TPO: variants seen among roughly 807,000 people sequenced by gnomAD.
TPO encodes the protein thyroid microsomal antigen.
TPO carries 78 observed loss-of-function variants against 96.9 expected under a neutral mutation model. The observed-to-expected ratio is 0.81, with a 90% confidence interval of 0.67 to 0.97. The LOEUF (loss-of-function observed/expected upper bound fraction) is 0.97. Ranked by LOEUF, TPO falls within the 50% of genes least tolerant of loss-of-function variation. The probability of loss-of-function intolerance (pLI) is 0.00; values close to 1 mark genes in which losing one functional copy is unlikely to be tolerated. For synonymous variants in TPO, 547 were observed against 538.0 expected, an observed-to-expected ratio of 1.02 and a Z score of -0.23; for missense variants, 1,252 against 1,274.8, an observed-to-expected ratio of 0.98 and a Z score of 0.27.
intron 14 of TPO, 77 bp from the exon 15 acceptor site, chr2:1,516,806 C>T: frequency 1.5e-6 from 2 of 1,369,444 alleles, no homozygotes; most frequent in Non-Finnish European, 1.0e-6. Context: ...CAGGGTATGG[C>T]CCAGACTCAG....
At chr2:1,378,185 C>T (rs1661752044) in intron 1 of TPO, among the ~76,000 whole-genome samples, 1 of 151,946 alleles carries the variant, frequency 6.6e-6, no homozygotes, top group African/African-American at 2.4e-5. Context: ...TTAAATTACC[C>T]AGTCTCAGGT....
rs1402642383 is a variant in TPO at position 1,496,007 on chromosome 2, C to T, written c.2025C>T (p.Ser675=). 2 of 1,612,778 alleles carry T rather than the reference C, an allele frequency of 1.2e-6. No homozygotes were observed. The highest frequency in any genetic ancestry group is 1.7e-6 in the Non-Finnish European group (2 of 1,179,998). ...RDGDWFWWEN[S]HVFTDAQRRE... ...TCTGGAGGTTTTGGTGGGAGAACAG[C>T]CACGTCTTCACGGATGCACAGAGGC... The change falls in exon 12 of 17, where the codon AGC becomes AGT. Residue 675 remains serine (S), a synonymous_variant. Transcript: ENST00000329066.
chr2:1,398,418 G>A (rs1186763744), intron 1 of TPO, among the ~76,000 whole-genome samples: 2 of 152,124 alleles, frequency 1.3e-5, no homozygotes, highest in Admixed American at 6.5e-5. Flanking sequence ...CACACCCCAC[G>A]CCTGCCTGGC....
intron 5 of TPO, among the ~76,000 whole-genome samples, chr2:1,448,503 G>A (rs949537487): frequency 5.9e-5 from 9 of 152,172 alleles, no homozygotes; most frequent in African/African-American, 2.2e-4. Flanking sequence ...GGTTGTTTCT[G>A]GTTGAAAGGC....
rs1050832429 is a variant in TPO at position 1,490,507 on chromosome 2, G to C, written c.1768+2516G>C. Among the ~76,000 whole-genome samples, 2 of 145,326 alleles carry C rather than the reference G, an allele frequency of 1.4e-5. 1 individual carries two copies. The highest frequency in any genetic ancestry group is 3.1e-5 in the Non-Finnish European group (2 of 65,326). On this transcript the variant is annotated intron_variant, in intron 10 of 16. Coordinates refer to ENST00000329066, the MANE Select transcript of TPO (RefSeq NM_001206744.2). ...GGGGAGTCACGACACAGCAGTGTAA[G>C]AGCTGCCACACATGGGTCCCTGCGG...
chr2:1,380,195 C>G (rs1661786356), intron 1 of TPO, among the ~76,000 whole-genome samples: 2 of 152,044 alleles, frequency 1.3e-5, no homozygotes, highest in African/African-American at 4.8e-5. Context: ...GAGATCAAGA[C>G]CATCCTGGCT....
chr2:1,433,705 T>A, intron 4 of TPO, 98 bp downstream of exon 4: 1 of 1,436,514 alleles, frequency 7.0e-7, no homozygotes. Flanking sequence ...TGTTTTTTAC[T>A]TGAGACCAAG....
chr2:1,378,067 A>T (rs1480064112), intron 1 of TPO, among the ~76,000 whole-genome samples: 3 of 152,028 alleles, frequency 2.0e-5, no homozygotes, highest in African/African-American at 4.8e-5. Context: ...CTTGGTTCTC[A>T]TTGTCGCTTG....
At chr2:1,478,787 T>C (rs1670241742) in intron 8 of TPO, among the ~76,000 whole-genome samples, 1 of 151,686 alleles carries the variant, frequency 6.6e-6, no homozygotes. Context: ...ACGAGTTCAC[T>C]GTCCTAACGC....
intron 1 of TPO, among the ~76,000 whole-genome samples, chr2:1,379,006 G>A (rs1160090224): frequency 6.6e-6 from 1 of 152,170 alleles, no homozygotes; most frequent in African/African-American, 2.4e-5. Flanking sequence ...TCTGTGATAA[G>A]CCAAATAAAC....
At chr2:1,395,924 A>T (rs186162805) in intron 1 of TPO, among the ~76,000 whole-genome samples, 1 of 152,178 alleles carries the variant, frequency 6.6e-6, no homozygotes, top group Non-Finnish European at 1.5e-5. Context: ...AGCCATGTGG[A>T]ACTGTGAGTC....
At chr2:1,485,059 A>T (rs28911469) in intron 9 of TPO, among the ~76,000 whole-genome samples, 2 of 147,746 alleles carry the variant, frequency 1.4e-5, no homozygotes, top group Admixed American at 6.8e-5. Context: ...CCTCCCCCTG[A>T]CCCCCACCCC....
At chr2:1,422,999 G>C (rs757617230) in intron 2 of TPO, 46 bp from the exon 3 acceptor site, 4 of 1,592,386 alleles carry the variant, frequency 2.5e-6, no homozygotes, top group Non-Finnish European at 3.4e-6. Flanking sequence ...TCAGTGAATC[G>C]CTGAACTGTC....
rs1049438628 is a variant in TPO at position 1,493,791 on chromosome 2, C to G, written c.1769-11C>G. ...CTGTGAGAGAAACCCTGCAGCCTCTCCCCTGTGCAGGTTACAATGAGTGGA... is the reference window on the plus strand; with the variant it reads ...CTGTGAGAGAAACCCTGCAGCCTCTGCCCTGTGCAGGTTACAATGAGTGGA... On this transcript the variant is annotated splice_polypyrimidine_tract_variant and intron_variant, in intron 10 of 16. Coordinates refer to ENST00000329066, the MANE Select transcript of TPO (RefSeq NM_001206744.2). 1 of 1,613,786 alleles carries G rather than the reference C, an allele frequency of 6.2e-7. No homozygotes were observed. The highest frequency in any genetic ancestry group is 1.1e-5 in the South Asian group (1 of 91,042).
intron 5 of TPO, among the ~76,000 whole-genome samples, chr2:1,450,643 G>A (rs1315921028): frequency 6.6e-6 from 1 of 152,172 alleles, no homozygotes; most frequent in Non-Finnish European, 1.5e-5. Context: ...TGCTGACCGT[G>A]AAGGTCAGGT....
intron 1 of TPO, among the ~76,000 whole-genome samples, chr2:1,391,956 T>C (rs1212603208): frequency 6.6e-6 from 1 of 152,202 alleles, no homozygotes; most frequent in Non-Finnish European, 1.5e-5. Flanking sequence ...TCATGTCATC[T>C]GCGAACAGGG....
At chr2:1,484,381 G>C (rs539584415) in intron 8 of TPO, among the ~76,000 whole-genome samples, 10 of 152,288 alleles carry the variant, frequency 6.6e-5, no homozygotes, top group African/African-American at 1.9e-4. Flanking sequence ...TGGGAAGGAG[G>C]CTCTCTAGTC....
At chr2:1,515,852 T>C (rs1250905033) in intron 14 of TPO, among the ~76,000 whole-genome samples, 3 of 152,250 alleles carry the variant, frequency 2.0e-5, no homozygotes, top group African/African-American at 7.2e-5. Flanking sequence ...GAGCCTATCT[T>C]CAACCACACG....
At chr2:1,400,475 G>C (rs1662149106) in intron 1 of TPO, among the ~76,000 whole-genome samples, 1 of 149,388 alleles carries the variant, frequency 6.7e-6, no homozygotes, top group African/African-American at 2.5e-5. Context: ...TCTGGGTAAA[G>C]AGCTGAGATC....
Sources: allele counts gnomAD v4.1 joint callset (sites outside exome capture counted in the v4.1 genomes callset), GRCh38; gene constraint gnomAD v4.1.1; transcripts MANE v1.5; gene names NCBI Gene and HGNC (gene_info 2026-07-23, HGNC 2026-07-21).